Variants in ADD2 observed in about 807,000 individuals in gnomAD.
The protein encoded by ADD2 is beta-adducin.
ADD2 carries 23 observed loss-of-function variants against 83.0 expected under a neutral mutation model. The observed-to-expected ratio is 0.28, with a 90% CI of 0.20 to 0.39. The LOEUF (loss-of-function observed/expected upper bound fraction) is 0.39, where lower values mean the gene tolerates loss of function less well. ADD2 is among the 10% of genes least tolerant of loss of function. ADD2 has a pLI of 1.00. For missense variants in ADD2, 758 were observed against 944.9 expected (o/e 0.80, Z 2.59); for synonymous variants, 375 against 375.4 (o/e 1.00, Z 0.01).
intron 13 of ADD2, chr2:70,675,915 T>A (rs1335615289): frequency 2.0e-6 from 2 of 985,304 alleles, no homozygotes; most frequent in African/African-American, 3.5e-5. Flanking sequence ...AACATGGCTA[T>A]TTCTATACTT....
Position 70,662,037 on chromosome 2 carries a change from T to C in ADD2, c.*1388A>G, listed in dbSNP as rs1350470873. 6.6e-6 allele frequency: 1 copy of C among 152,226 alleles called. No homozygotes were observed. Among genetic ancestry groups the C allele is most frequent in the Non-Finnish European group, 1.5e-5 (1 of 68,048 alleles). 9.4% of individuals were successfully genotyped at this position (152,226 alleles called of 1,614,324 possible). A position where few individuals can be genotyped will look rare whatever the true frequency, so the allele number is the denominator to read the frequency against. ...CTGCACAGTGTCTATAGATAGCAAG[T>C]GCTCAAAAGTGGAAAACTATGATTA... is the stretch of plus-strand genomic sequence containing the variant. On this transcript the variant is annotated 3_prime_UTR_variant, in exon 16 of 16. Transcript: ENST00000264436.
intron 1 of ADD2, among the ~76,000 whole-genome samples, chr2:70,740,259 A>G (rs1407835549): frequency 2.0e-5 from 3 of 152,206 alleles, no homozygotes; most frequent in Non-Finnish European, 2.9e-5. Flanking sequence ...ATGTAAAGCA[A>G]AAACTGTTGA....
At chr2:70,684,825 T>C (rs1670635946) in intron 9 of ADD2, among the ~76,000 whole-genome samples, 3 of 152,192 alleles carry the variant, frequency 2.0e-5, no homozygotes, top group Non-Finnish European at 2.9e-5. Context: ...CAGGTGGTTG[T>C]AGGCAATGGA....
In ADD2 at chr2:70,696,368, G is replaced by T; in HGVS notation, c.351C>A (p.Asp117Glu). 5 of 1,614,222 alleles carry T rather than the reference G, an allele frequency of 3.1e-6. No individual in the cohort carries two copies. The highest frequency in any genetic ancestry group is 4.2e-6 in the Non-Finnish European group (5 of 1,180,042). ...MNVSMMTPIN[D>E]LHTADSLNLA... The stretch of plus-strand genomic sequence containing the variant: ...GGTTCAGGGAGTCAGCTGTGTGGAG[G>T]TCATTGATAGGCGTCATCATGGAGA... The change falls in exon 5 of 16, where the codon GAC becomes GAA. Residue 117 changes from aspartate to glutamate, a missense_variant. Physicochemically the swap from Asp to Glu is conservative, Grantham distance 45 (BLOSUM62 2). Around this residue, in one of 5 missense-constraint regions of ADD2, gnomAD observed 175 missense variants for 192.1 expected, o/e 0.91. Transcript: ENST00000264436.
intron 1 of ADD2, among the ~76,000 whole-genome samples, chr2:70,746,818 C>A (rs1553382075): frequency 6.6e-6 from 1 of 152,150 alleles, no homozygotes; most frequent in Non-Finnish European, 1.5e-5. Flanking sequence ...GCCTTCCCAC[C>A]ACTGACCCAC....
intron 1 of ADD2, among the ~76,000 whole-genome samples, chr2:70,746,304 C>T (rs1179268954): frequency 6.6e-6 from 1 of 152,162 alleles, no homozygotes; most frequent in Admixed American, 6.5e-5. Flanking sequence ...GTAAATCTCT[C>T]GAATAGTTCT....
At chr2:70,672,411 C>T (rs1303228966) in intron 15 of ADD2, among the ~76,000 whole-genome samples, 2 of 152,330 alleles carry the variant, frequency 1.3e-5, no homozygotes, top group East Asian at 1.9e-4. Flanking sequence ...AGAATCAAGA[C>T]GGTTAAAGCT....
At chr2:70,760,669 G>C (rs1675036599) in intron 1 of ADD2, 1 of 152,188 alleles carries the variant, frequency 6.6e-6, no homozygotes, top group African/African-American at 2.4e-5. Context: ...GGTGCACTGG[G>C]CTCTGGGAGC....
At chr2:70,745,934 T>C (rs1218314188) in intron 1 of ADD2, among the ~76,000 whole-genome samples, 1 of 152,240 alleles carries the variant, frequency 6.6e-6, no homozygotes, top group Non-Finnish European at 1.5e-5. Flanking sequence ...TAAGGACTGT[T>C]TTTATCTAAA....
Position 70,735,606 on chromosome 2 carries a change from CAG to C in ADD2, c.-153-22424_-153-22423del, listed in dbSNP as rs1553379951. On this transcript the variant is annotated intron_variant, in intron 1 of 15. Coordinates refer to ENST00000264436, the MANE Select transcript of ADD2 (RefSeq NM_001617.4). Reference sequence around the variant, plus strand: ...CCTCCTCCCTCTTTCCTAACAAACTCAGTGTCATTGTGCAAATGTAAAACCTC... The same window carrying C: ...CCTCCTCCCTCTTTCCTAACAAACTCTGTCATTGTGCAAATGTAAAACCTC... Among the ~76,000 whole-genome samples, 3 of 152,034 alleles carry C rather than the reference CAG, an allele frequency of 2.0e-5. 1 individual carries two copies. In the East Asian group the frequency reaches 5.8e-4, roughly 29 times the overall value.
At chr2:70,685,487 T>C (rs1171694532) in intron 9 of ADD2, among the ~76,000 whole-genome samples, 1 of 152,122 alleles carries the variant, frequency 6.6e-6, no homozygotes, top group African/African-American at 2.4e-5. Context: ...GCAGCGCTTC[T>C]CCAGGTAGTG....
At chr2:70,690,717 T>C (rs1670982974) in intron 8 of ADD2, 69 bp downstream of exon 8, 5 of 1,529,976 alleles carry the variant, frequency 3.3e-6, no homozygotes, top group South Asian at 2.6e-5. Context: ...AATGAACATA[T>C]GTCACTTTTG....
chr2:70,678,021 C>G, intron 11 of ADD2, 144 bp from the exon 12 acceptor site: 1 of 1,093,528 alleles, frequency 9.1e-7, no homozygotes, highest in Non-Finnish European at 1.3e-6. Context: ...TCTTAGGCCT[C>G]TTTGATGTCT....
chr2:70,737,796 C>T (rs1448226318), intron 1 of ADD2, among the ~76,000 whole-genome samples: 2 of 152,192 alleles, frequency 1.3e-5, no homozygotes, highest in Non-Finnish European at 2.9e-5. Flanking sequence ...TCCCCCTGTT[C>T]TGATTCCATC....
chr2:70,729,768 A>ATCTC (rs1673189804), intron 1 of ADD2, among the ~76,000 whole-genome samples: 1 of 152,232 alleles, frequency 6.6e-6, no homozygotes. Flanking sequence ...CCCTTGGACC[A>ATCTC]TCAGAAACTA....
At chr2:70,732,666 C>A (rs3771421) in intron 1 of ADD2, among the ~76,000 whole-genome samples, 5 of 151,908 alleles carry the variant, frequency 3.3e-5, no homozygotes, top group Admixed American at 3.3e-4. Context: ...CAGTAAGGTC[C>A]CCGGGGGCTG....
intron 1 of ADD2, among the ~76,000 whole-genome samples, chr2:70,737,335 T>A (rs1244052707): frequency 1.3e-4 from 20 of 152,230 alleles, no homozygotes; most frequent in Admixed American, 5.9e-4. Flanking sequence ...CAAATGTCCA[T>A]CAATGATAGA....
intron 1 of ADD2, among the ~76,000 whole-genome samples, chr2:70,760,097 G>A (rs1284039193): frequency 6.6e-6 from 1 of 152,194 alleles, no homozygotes; most frequent in Non-Finnish European, 1.5e-5. Context: ...TAGGCCCAGT[G>A]TTTGTTCTCT....
At chr2:70,669,965 T>A (rs1553366825) in intron 15 of ADD2, among the ~76,000 whole-genome samples, 1 of 152,170 alleles carries the variant, frequency 6.6e-6, no homozygotes, top group East Asian at 1.9e-4. Context: ...GGCATGTAAG[T>A]GCACCATCTT....
Sources: gnomAD v4.1 joint callset for allele counts (sites outside exome capture counted in the v4.1 genomes callset) on GRCh38, gnomAD v4.1.1 for gene constraint, gnomAD v4.1.1 regional missense constraint, MANE v1.5 for transcripts, NCBI Gene and HGNC (gene_info 2026-07-23, HGNC 2026-07-21) for gene names.